HOGA1: variants seen among roughly 807,000 people sequenced by gnomAD.
HOGA1 encodes the protein 4-hydroxy-2-oxoglutarate aldolase 1.
HOGA1 carries 30 observed loss-of-function variants against 34.3 expected under a neutral mutation model. The observed-to-expected ratio is 0.87, with a 90% confidence interval of 0.65 to 1.19. The LOEUF (loss-of-function observed/expected upper bound fraction) is 1.19. Ranked by LOEUF, HOGA1 falls within the 50% of genes most tolerant of loss-of-function variation. The pLI is 0.00. For synonymous variants in HOGA1, 161 were observed against 174.0 expected, an observed-to-expected ratio of 0.93 and a Z score of 0.59; for missense variants, 417 against 436.5, an observed-to-expected ratio of 0.96 and a Z score of 0.40.
chr10:97,602,220 G>T, intron 6 of HOGA1: 1 of 1,522,258 alleles, frequency 6.6e-7, no homozygotes. Flanking sequence ...AAATTTCCTT[G>T]GGGGCGAATT....
chr10:97,606,527 C>T (rs2041159624), intron 6 of HOGA1, among the ~76,000 whole-genome samples: 1 of 152,062 alleles, frequency 6.6e-6, no homozygotes, highest in Admixed American at 6.6e-5. Context: ...CTCCATTGAA[C>T]TGCTTGCGTG....
intron 1 of HOGA1, chr10:97,590,647 CT>C (rs776560628): frequency 5.4e-5 from 76 of 1,418,372 alleles, no homozygotes; most frequent in Non-Finnish European, 7.1e-5. Flanking sequence ...ACACACACGT[CT>C]GTTTTCTCTC....
intron 1 of HOGA1, among the ~76,000 whole-genome samples, chr10:97,586,263 A>T (rs2040970616): frequency 1.3e-5 from 2 of 152,210 alleles, no homozygotes; most frequent in Admixed American, 6.5e-5. Context: ...AAAATCTGAG[A>T]GAATGCAAGT....
chr10:97,597,590 G>A (rs376955360), intron 1 of HOGA1, among the ~76,000 whole-genome samples: 6 of 152,092 alleles, frequency 3.9e-5, no homozygotes, highest in African/African-American at 1.4e-4. Context: ...GCAAAAATTT[G>A]TTCTGACAAT....
intron 5 of HOGA1, 117 bp downstream of exon 5, chr10:97,600,280 C>T (rs904586074): frequency 2.3e-5 from 20 of 865,612 alleles, no homozygotes; most frequent in Non-Finnish European, 3.5e-5. Flanking sequence ...AGTTTGCCAG[C>T]CTGCCCACTC....
At chr10:97,599,281 A>G in intron 3 of HOGA1, 65 bp downstream of exon 3, 1 of 1,591,688 alleles carries the variant, frequency 6.3e-7, no homozygotes, top group Admixed American at 1.7e-5. Flanking sequence ...GGAAGCTGGG[A>G]ATAGGGTGGT....
chr10:97,587,057 A>G (rs2040976611), intron 1 of HOGA1, among the ~76,000 whole-genome samples: 1 of 152,210 alleles, frequency 6.6e-6, no homozygotes, highest in African/African-American at 2.4e-5. Context: ...CACAGGGTCA[A>G]TATAATCCTC....
intron 1 of HOGA1, among the ~76,000 whole-genome samples, chr10:97,592,896 T>A (rs769509780): frequency 4.6e-5 from 7 of 151,686 alleles, no homozygotes; most frequent in Admixed American, 3.3e-4. Flanking sequence ...CTGGGCATGG[T>A]GGTGCCCACC....
Position 97,593,029 on chromosome 10 carries a change from C to CAAAAAAAAAAAAAAAAAAAAAAAAAAAAA in HOGA1, c.212-5724_212-5723insAAAAAAAAAAAAAAAAAAAAAAAAAAAAA, listed in dbSNP as rs1169191059. Among the ~76,000 whole-genome samples the CAAAAAAAAAAAAAAAAAAAAAAAAAAAAA allele has an allele frequency of 4.4e-4, 21 of 47,800 alleles. 1 individual carries two copies. The highest frequency in any genetic ancestry group is 5.6e-4 in the Non-Finnish European group (14 of 24,982). The allele number at this position is 47,800 out of a possible 152,430, so 31.4% of individuals were successfully genotyped here. A position where few individuals can be genotyped will look rare whatever the true frequency, so the allele number is the denominator to read the frequency against. On this transcript the variant is annotated intron_variant, in intron 1 of 6. Coordinates refer to ENST00000370646, the MANE Select transcript of HOGA1 (RefSeq NM_138413.4). ...TGGGCGACAGAGTGAGACTCTGTCT[C>CAAAAAAAAAAAAAAAAAAAAAAAAAAAAA]AAAAAAAAAAAAAAAAAAAAAAGAG...
chr10:97,598,948 G>A lies in HOGA1; in HGVS notation c.340+45G>A, dbSNP rs758957095. On this transcript the variant is annotated intron_variant, in intron 2 of 6. Coordinates refer to ENST00000370646, the MANE Select transcript of HOGA1 (RefSeq NM_138413.4). ...GCCCTGGGGGTGGGTGGATGTGCAG[G>A]ATCCAGGCTCCTAGGCCCTAGCTTG... is the stretch of plus-strand genomic sequence containing the variant. The A allele has an allele frequency of 4.0e-5, 65 of 1,611,424 alleles. 1 individual carries two copies. In the South Asian group the frequency reaches 6.9e-4, roughly 17 times the overall value.
At chr10:97,590,904 A>G (rs1205576340) in intron 1 of HOGA1, 1 of 333,878 alleles carries the variant, frequency 3.0e-6, no homozygotes, top group Admixed American at 4.6e-5. Flanking sequence ...CATTGCCTGG[A>G]ACGGAGCCAA....
intron 1 of HOGA1, chr10:97,590,076 C>T: frequency 6.2e-7 from 1 of 1,614,178 alleles, no homozygotes; most frequent in Non-Finnish European, 8.5e-7. Context: ...GGCAATGCTA[C>T]CCAGACTGAG....
At chr10:97,592,381 C>T (rs1386221136) in intron 1 of HOGA1, among the ~76,000 whole-genome samples, 1 of 151,152 alleles carries the variant, frequency 6.6e-6, no homozygotes, top group African/African-American at 2.4e-5. Flanking sequence ...GCTGGGACTA[C>T]AGGCGCCCGC....
intron 1 of HOGA1, among the ~76,000 whole-genome samples, chr10:97,598,384 T>C (rs2041087007): frequency 6.6e-6 from 1 of 152,238 alleles, no homozygotes; most frequent in South Asian, 2.1e-4. Context: ...TTAAAATGAA[T>C]GAATCAGGGC....
At chr10:97,604,062 C>T (rs2041140228) in intron 6 of HOGA1, among the ~76,000 whole-genome samples, 1 of 152,216 alleles carries the variant, frequency 6.6e-6, no homozygotes, top group South Asian at 2.1e-4. Context: ...ATGTCATCCT[C>T]TTATAGCCAT....
intron 1 of HOGA1, chr10:97,589,598 A>T (rs1441302608): frequency 5.1e-6 from 2 of 388,788 alleles, no homozygotes; most frequent in Non-Finnish European, 9.4e-6. Context: ...GACATGAGGG[A>T]TGCTGCGGCC....
chr10:97,593,741 A>T (rs1027988304), intron 1 of HOGA1, among the ~76,000 whole-genome samples: 5 of 152,196 alleles, frequency 3.3e-5, no homozygotes, highest in Non-Finnish European at 5.9e-5. Flanking sequence ...CTGGGCAAGG[A>T]AAACAGAATG....
At chr10:97,608,586 C>A (rs2041173444) in intron 6 of HOGA1, among the ~76,000 whole-genome samples, 1 of 152,096 alleles carries the variant, frequency 6.6e-6, no homozygotes, top group Non-Finnish European at 1.5e-5. Context: ...AGGCAGATCG[C>A]CTGAGGTCAG....
rs922393516 is a variant in HOGA1, at chr10:97,584,407, C to T, written c.-297C>T. 46 of 345,486 alleles carry T rather than the reference C, an allele frequency of 1.3e-4. No individual in the cohort carries two copies. The highest frequency in any genetic ancestry group is 1.7e-4 in the Admixed American group (4 of 22,942). 21.4% of individuals were successfully genotyped at this position (345,486 alleles called of 1,614,324 possible). A position where few individuals can be genotyped will look rare whatever the true frequency, so the allele number is the denominator to read the frequency against. ...AGGGCCCAGATCCCACTGGAGATAC[C>T]GAAGGAGATACTCTTTAGTATTGGG... On this transcript the variant is annotated 5_prime_UTR_variant, in exon 1 of 7. Coordinates refer to ENST00000370646, the MANE Select transcript of HOGA1 (RefSeq NM_138413.4).
Sources: gnomAD v4.1 joint callset for allele counts (sites outside exome capture counted in the v4.1 genomes callset) on GRCh38, gnomAD v4.1.1 for gene constraint, MANE v1.5 for transcripts, NCBI Gene and HGNC (gene_info 2026-07-23, HGNC 2026-07-21) for gene names.